FHIT: variants seen among roughly 807,000 people sequenced by gnomAD.
FHIT encodes the protein bis(5'-adenosyl)-triphosphatase.
Under a neutral mutation model 17.9 loss-of-function variants are expected in FHIT, and 19 were observed. That is an observed-to-expected ratio of 1.06 (90% CI 0.74 to 1.56). The LOEUF (loss-of-function observed/expected upper bound fraction) is 1.56. FHIT is among the 40% of genes most tolerant of loss of function. The probability of loss-of-function intolerance (pLI) is 0.00; values close to 1 mark genes in which losing one functional copy is unlikely to be tolerated. For missense variants in FHIT, 248 were observed against 189.2 expected, an observed-to-expected ratio of 1.31 and a Z score of -1.82; for synonymous variants, 81 against 69.7, an observed-to-expected ratio of 1.16 and a Z score of -0.81.
chr3:59,778,442 G>A (rs1412072083), intron 8 of FHIT, among the ~76,000 whole-genome samples: 1 of 151,650 alleles, frequency 6.6e-6, no homozygotes, highest in African/African-American at 2.4e-5. Context: ...GTAGCATGTA[G>A]TTTAAACTTT....
At chr3:59,929,397 G>C (rs1201252694) in intron 7 of FHIT, among the ~76,000 whole-genome samples, 2 of 125,930 alleles carry the variant, frequency 1.6e-5, no homozygotes, top group Non-Finnish European at 3.2e-5. Context: ...TTGAGACAGG[G>C]TCTCACTCTG....
intron 4 of FHIT, among the ~76,000 whole-genome samples, chr3:60,791,025 A>C (rs966746308): frequency 2.0e-5 from 3 of 151,890 alleles, no homozygotes; most frequent in African/African-American, 7.3e-5. Flanking sequence ...GCACTCAAAG[A>C]CTCTTTTTAG....
chr3:60,265,309 T>C (rs575618136), intron 5 of FHIT, among the ~76,000 whole-genome samples: 2 of 152,094 alleles, frequency 1.3e-5, no homozygotes, highest in African/African-American at 4.8e-5. Context: ...TCTTAAAACA[T>C]TAAGCAAACA....
chr3:60,380,885 A>T (rs916696168), intron 5 of FHIT, among the ~76,000 whole-genome samples: 6 of 152,192 alleles, frequency 3.9e-5, no homozygotes, highest in African/African-American at 1.4e-4. Flanking sequence ...ACAAGCATTT[A>T]TAAATCCCAG....
intron 3 of FHIT, among the ~76,000 whole-genome samples, chr3:60,922,043 T>C (rs1304249455): frequency 5.3e-5 from 8 of 152,230 alleles, no homozygotes; most frequent in African/African-American, 1.9e-4. Context: ...AAATACCCAC[T>C]GATCTCCATT....
rs578251028 is a variant in FHIT at position 60,457,831 on chromosome 3, A to T, written c.103+79029T>A. Among the ~76,000 whole-genome samples the T allele has an allele frequency of 3.3e-5, 5 of 152,134 alleles. No individual in the cohort carries two copies. In the South Asian group the frequency reaches 8.3e-4, roughly 25 times the overall value. ...TATGCAGCCAAAAGACACGTGAAAA[A>T]ACGCTCATCATCACTGGCCATCAGA... On this transcript the variant is annotated intron_variant, in intron 5 of 9. Transcript: ENST00000492590.
intron 3 of FHIT, among the ~76,000 whole-genome samples, chr3:60,954,421 G>A (rs1393641974): frequency 1.3e-5 from 2 of 152,122 alleles, no homozygotes; most frequent in Non-Finnish European, 2.9e-5. Context: ...ATGTTTAATA[G>A]GCTCTGGAGA....
chr3:60,862,213 C>A (rs1703944440), intron 3 of FHIT, among the ~76,000 whole-genome samples: 1 of 152,042 alleles, frequency 6.6e-6, no homozygotes, highest in South Asian at 2.1e-4. Flanking sequence ...GTGTCTTGTT[C>A]TATTGCCCAG....
At chr3:59,897,295 CACAGCTCTAG>C (rs1481053949) in intron 8 of FHIT, among the ~76,000 whole-genome samples, 1 of 152,202 alleles carries the variant, frequency 6.6e-6, no homozygotes, top group African/African-American at 2.4e-5. Flanking sequence ...AATTGCACAG[CACAGCTCTAG>C]ACACCCTCCC....
At chr3:61,093,535 A>C (rs1041693064) in intron 2 of FHIT, among the ~76,000 whole-genome samples, 5 of 152,188 alleles carry the variant, frequency 3.3e-5, no homozygotes, top group Non-Finnish European at 7.4e-5. Context: ...GAGAAAGAGA[A>C]AGCAATGTGA....
intron 8 of FHIT, among the ~76,000 whole-genome samples, chr3:59,782,439 G>C (rs1005809320): frequency 6.6e-6 from 1 of 152,156 alleles, no homozygotes; most frequent in Non-Finnish European, 1.5e-5. Context: ...ATTAAATAAA[G>C]AGAAACTCAG....
intron 8 of FHIT, among the ~76,000 whole-genome samples, chr3:59,894,931 T>C (rs1297839870): frequency 6.6e-6 from 1 of 152,242 alleles, no homozygotes; most frequent in East Asian, 1.9e-4. Flanking sequence ...CTTTCAAACC[T>C]GGCAGGTGAT....
chr3:60,196,143 G>T (rs766771823), intron 5 of FHIT, among the ~76,000 whole-genome samples: 10 of 152,166 alleles, frequency 6.6e-5, no homozygotes, highest in Admixed American at 6.5e-4. Context: ...CTTAGGGCTT[G>T]AAACAACACA....
intron 8 of FHIT, among the ~76,000 whole-genome samples, chr3:59,839,508 C>G (rs560336596): frequency 6.6e-6 from 1 of 152,138 alleles, no homozygotes; most frequent in Admixed American, 6.5e-5. Flanking sequence ...ATATGTTGTA[C>G]CCGGTAAGTA....
At chr3:59,963,572 G>A (rs754889818) in intron 7 of FHIT, among the ~76,000 whole-genome samples, 21 of 152,050 alleles carry the variant, frequency 1.4e-4, no homozygotes, top group Admixed American at 2.6e-4. Context: ...TTCACAGAGC[G>A]CCTAACATGT....
chr3:61,207,280 CT>C (rs1280907544), intron 1 of FHIT, among the ~76,000 whole-genome samples: 1 of 152,050 alleles, frequency 6.6e-6, no homozygotes, highest in Non-Finnish European at 1.5e-5. Flanking sequence ...CTAAAATTCT[CT>C]TTTTTTGTTG....
intron 5 of FHIT, among the ~76,000 whole-genome samples, chr3:60,047,902 G>C (rs1048879506): frequency 5.3e-5 from 8 of 152,154 alleles, no homozygotes; most frequent in Admixed American, 3.3e-4. Context: ...TAAAATGTAG[G>C]TGTATCAGTT....
At chr3:60,998,260 C>A (rs548871307) in intron 3 of FHIT, among the ~76,000 whole-genome samples, 1 of 152,224 alleles carries the variant, frequency 6.6e-6, no homozygotes, top group South Asian at 2.1e-4. Flanking sequence ...CTTCTTTGAG[C>A]TTTCGTTTGT....
At chr3:60,488,770 TCTAA>T (rs2033945787) in intron 5 of FHIT, among the ~76,000 whole-genome samples, 2 of 152,186 alleles carry the variant, frequency 1.3e-5, no homozygotes, top group Non-Finnish European at 2.9e-5. Context: ...TATAGAATTA[TCTAA>T]CTTTCTCTAT....
Sources: allele counts gnomAD v4.1 joint callset (sites outside exome capture counted in the v4.1 genomes callset), GRCh38; gene constraint gnomAD v4.1.1; transcripts MANE v1.5; gene names NCBI Gene and HGNC (gene_info 2026-07-23, HGNC 2026-07-21).